Variants in SGCD observed in about 807,000 individuals in gnomAD.
The protein encoded by SGCD is sarcoglycan delta, also known as delta-sarcoglycan.
Under a neutral mutation model 36.6 loss-of-function variants are expected in SGCD, and 18 were observed. The ratio of observed to expected loss-of-function variants is 0.49; its 90% CI spans 0.34 to 0.73. The LOEUF (loss-of-function observed/expected upper bound fraction) is 0.73. Among genes scored for constraint, SGCD ranks in the 30% least tolerant of loss-of-function variants. The pLI is 0.01. For synonymous variants in SGCD, 133 were observed against 130.6 expected (o/e 1.02, Z -0.12); for missense variants, 387 against 346.7 (o/e 1.12, Z -0.92).
chr5:155,824,518 T>A, the SGCD span, among the ~76,000 whole-genome samples: 2 of 152,222 alleles, frequency 1.3e-5, no homozygotes, highest in African/African-American at 2.4e-5. Context: ...CATTTTATTT[T>A]ATATGCACCA....
At chr5:156,753,465 T>C (rs1757225078) in intron 7 of SGCD, among the ~76,000 whole-genome samples, 1 of 152,240 alleles carries the variant, frequency 6.6e-6, no homozygotes, top group South Asian at 2.1e-4. Context: ...GGGCAGAGGT[T>C]GACGGACATC....
intron 3 of SGCD, among the ~76,000 whole-genome samples, chr5:156,198,091 A>G (rs1188435830): frequency 6.6e-6 from 1 of 152,054 alleles, no homozygotes; most frequent in East Asian, 1.9e-4. Flanking sequence ...TCAGTTAGAT[A>G]TTTCTAATGT....
At chr5:156,176,033 T>C (rs572675107) in intron 3 of SGCD, among the ~76,000 whole-genome samples, 20 of 152,134 alleles carry the variant, frequency 1.3e-4, no homozygotes, top group Admixed American at 5.2e-4. Context: ...GCCAGATTAA[T>C]GGCATTCAGA....
At chr5:156,150,049 G>A (rs1012349267) in intron 3 of SGCD, among the ~76,000 whole-genome samples, 7 of 152,086 alleles carry the variant, frequency 4.6e-5, no homozygotes, top group Non-Finnish European at 7.4e-5. Flanking sequence ...CAGGCCTAGT[G>A]GCATCTCTTC....
chr5:156,061,640 T>C (rs1760209971), intron 1 of SGCD, among the ~76,000 whole-genome samples: 1 of 146,326 alleles, frequency 6.8e-6, no homozygotes, highest in Non-Finnish European at 1.5e-5. Context: ...AAATTTGATC[T>C]ATGCCAGGTG....
chr5:155,815,771 A>G, the SGCD span, among the ~76,000 whole-genome samples: 1 of 152,172 alleles, frequency 6.6e-6, no homozygotes, highest in Admixed American at 6.5e-5. Flanking sequence ...GACTGCCCCC[A>G]TGATCCAGTC....
intron 3 of SGCD, among the ~76,000 whole-genome samples, chr5:156,363,752 T>C (rs562411468): frequency 6.6e-6 from 1 of 152,346 alleles, no homozygotes; most frequent in Admixed American, 6.5e-5. Context: ...ATTTTCTTAT[T>C]AGTTCCCTTA....
At chr5:156,205,479 A>C (rs1764253277) in intron 3 of SGCD, among the ~76,000 whole-genome samples, 1 of 152,132 alleles carries the variant, frequency 6.6e-6, no homozygotes, top group Non-Finnish European at 1.5e-5. Flanking sequence ...AGATTTTGAA[A>C]GACAATCATA....
At chr5:156,083,444 G>A (rs757940956) in intron 1 of SGCD, among the ~76,000 whole-genome samples, 22 of 151,608 alleles carry the variant, frequency 1.5e-4, no homozygotes, top group African/African-American at 2.2e-4. Flanking sequence ...ACAGGCATGC[G>A]CCACCATGCC....
At chr5:155,795,333 T>G in the SGCD span, among the ~76,000 whole-genome samples, 5 of 152,198 alleles carry the variant, frequency 3.3e-5, no homozygotes, top group African/African-American at 1.2e-4. Context: ...AAATCAATAA[T>G]GCAAAGCAAC....
Position 156,299,474 on chromosome 5 carries a change from C to T in SGCD, c.-43-30060C>T, listed in dbSNP as rs13357665. Among the ~76,000 whole-genome samples, 1,139 of 151,810 alleles carry T rather than the reference C, an allele frequency of 7.5e-3. 10 individuals are homozygous for T. The highest frequency in any genetic ancestry group is 0.027 in the African/African-American group (1,103 of 41,374). On this transcript the variant is annotated intron_variant, in intron 3 of 9. Transcript: ENST00000517913. ...TTTTTTCTATTTCTTTGAAGAATGT[C>T]GTTGGTATTTTGATGAGGAATTGCA...
At chr5:155,922,503 G>T (rs1345121354) in intron 1 of SGCD, among the ~76,000 whole-genome samples, 3 of 152,100 alleles carry the variant, frequency 2.0e-5, no homozygotes, top group Non-Finnish European at 2.9e-5. Context: ...CATTTATTTG[G>T]CGTCTATGAT....
At chr5:156,610,941 A>C (rs1041725300) in intron 6 of SGCD, among the ~76,000 whole-genome samples, 2 of 152,098 alleles carry the variant, frequency 1.3e-5, no homozygotes, top group Non-Finnish European at 2.9e-5. Context: ...GCTGCCTGTC[A>C]CCCCTTTCTT....
chr5:156,701,324 A>G (rs1754521755), intron 7 of SGCD, among the ~76,000 whole-genome samples: 1 of 152,092 alleles, frequency 6.6e-6, no homozygotes, highest in African/African-American at 2.4e-5. Flanking sequence ...CATGCTTTAC[A>G]TTTTTTTGGT....
intron 3 of SGCD, among the ~76,000 whole-genome samples, chr5:156,375,382 A>G (rs1235930395): frequency 6.7e-6 from 1 of 149,264 alleles, no homozygotes; most frequent in African/African-American, 2.5e-5. Context: ...TGCCCCAGTA[A>G]TATCCTTCAC....
chr5:156,679,840 T>C (rs1753655758), intron 7 of SGCD, among the ~76,000 whole-genome samples: 3 of 152,214 alleles, frequency 2.0e-5, no homozygotes, highest in South Asian at 2.1e-4. Context: ...CTTTCTCATA[T>C]GTATCACTTT....
chr5:156,304,201 G>A (rs1767137846), intron 3 of SGCD, among the ~76,000 whole-genome samples: 1 of 152,142 alleles, frequency 6.6e-6, no homozygotes, highest in African/African-American at 2.4e-5. Context: ...GTCACCCACT[G>A]AGTTCTGCTT....
At chr5:156,622,544 T>A (rs1270091012) in intron 6 of SGCD, among the ~76,000 whole-genome samples, 3 of 151,376 alleles carry the variant, frequency 2.0e-5, no homozygotes, top group Non-Finnish European at 4.4e-5. Flanking sequence ...AGACAGATTT[T>A]TTTTTTGTAA....
chr5:156,000,314 G>A (rs962588115), intron 1 of SGCD, among the ~76,000 whole-genome samples: 1 of 152,166 alleles, frequency 6.6e-6, no homozygotes, highest in Non-Finnish European at 1.5e-5. Flanking sequence ...AGAGGCTTGG[G>A]CTTGTTTGGG....
Sources: allele counts gnomAD v4.1 joint callset (sites outside exome capture counted in the v4.1 genomes callset), GRCh38; gene constraint gnomAD v4.1.1; transcripts MANE v1.5; gene names NCBI Gene and HGNC (gene_info 2026-07-23, HGNC 2026-07-21).